PJA2: variants seen among roughly 807,000 people sequenced by gnomAD.
PJA2 encodes E3 ubiquitin-protein ligase Praja-2.
A neutral mutation model predicts 69.3 loss-of-function variants in PJA2; 25 were observed. The ratio of observed to expected loss-of-function variants is 0.36; its 90% confidence interval spans 0.26 to 0.50. PJA2 has a LOEUF of 0.50. PJA2 is among the 20% of genes least tolerant of loss of function. The pLI is 0.96. For missense variants in PJA2, 809 were observed against 830.2 expected, an observed-to-expected ratio of 0.97 and a Z score of 0.31; for synonymous variants, 308 against 277.8, an observed-to-expected ratio of 1.11 and a Z score of -1.08.
Position 109,379,161 on chromosome 5 carries a change from A to C in PJA2, c.326T>G (p.Leu109Trp), listed in dbSNP as rs747540070. 14 of 1,614,064 alleles carry C rather than the reference A, an allele frequency of 8.7e-6. No individual in the cohort carries two copies. In the South Asian group the frequency reaches 1.5e-4, roughly 18 times the overall value. The change falls in exon 4 of 10, where the codon TTG becomes TGG. Residue 109 changes from leucine to tryptophan, a missense_variant. Physicochemically the swap from Leu to Trp is moderately conservative, Grantham distance 61. Coordinates refer to ENST00000361189, the MANE Select transcript of PJA2 (RefSeq NM_014819.5). ...TTGACTGCTCTCAGTGGTTTGATTC[A>C]ATGCTGAACCACAAGTGGGAATTTC... is the stretch of plus-strand genomic sequence containing the variant. ...ETEIPTCGSALNQTTESSQSF... is the reference protein window; with the variant it reads ...ETEIPTCGSAWNQTTESSQSF...
At chr5:109,348,159 A>G (rs1160717962) in intron 7 of PJA2, among the ~76,000 whole-genome samples, 8 of 152,178 alleles carry the variant, frequency 5.3e-5, no homozygotes, top group Non-Finnish European at 1.0e-4. Context: ...AAGCCCAGAT[A>G]GCTCCTATAC....
intron 1 of PJA2, among the ~76,000 whole-genome samples, chr5:109,402,023 G>A (rs1005613926): frequency 3.3e-5 from 5 of 152,138 alleles, no homozygotes; most frequent in East Asian, 1.9e-4. Flanking sequence ...TATATAAAAT[G>A]TGGTATAGTA....
intron 1 of PJA2, among the ~76,000 whole-genome samples, chr5:109,391,751 T>G (rs1747286773): frequency 1.3e-5 from 2 of 152,172 alleles, no homozygotes; most frequent in South Asian, 4.1e-4. Context: ...AGTTCTATAG[T>G]GATAACTTTT....
intron 3 of PJA2, among the ~76,000 whole-genome samples, chr5:109,380,062 C>G (rs1582615090): frequency 8.0e-6 from 1 of 125,044 alleles, no homozygotes; most frequent in African/African-American, 3.0e-5. Context: ...ACGAAGGGTT[C>G]TTTGATATAT....
chr5:109,354,604 GAT>G (rs1389858101), intron 7 of PJA2, among the ~76,000 whole-genome samples: 1 of 134,532 alleles, frequency 7.4e-6, no homozygotes, highest in Non-Finnish European at 1.5e-5. Flanking sequence ...ATTACATATC[GAT>G]ATCTAATATC....
chr5:109,337,369 A>C lies in PJA2; in HGVS notation c.2002-13T>G. On this transcript the variant is annotated splice_polypyrimidine_tract_variant and intron_variant, in intron 9 of 9. Transcript: ENST00000361189. The stretch of plus-strand genomic sequence containing the variant: ...GGCATGTTCCCGACTGGAGAAAAAA[A>C]AAATGTTAAGAGCCACCAGAATCAT... 1 of 1,581,378 alleles carries C rather than the reference A, an allele frequency of 6.3e-7. No homozygotes were observed. Among genetic ancestry groups the C allele is most frequent in the African/African-American group, 1.4e-5 (1 of 72,896 alleles).
intron 4 of PJA2, among the ~76,000 whole-genome samples, chr5:109,376,769 A>G (rs531140728): frequency 6.6e-6 from 1 of 152,286 alleles, no homozygotes; most frequent in Admixed American, 6.5e-5. Flanking sequence ...CTTAGGGCTA[A>G]ATGTGTTTTG....
At chr5:109,343,054 T>C (rs1762105606) in intron 9 of PJA2, among the ~76,000 whole-genome samples, 1 of 104,202 alleles carries the variant, frequency 9.6e-6, no homozygotes, top group Non-Finnish European at 2.0e-5. Context: ...GGCGGCTTTG[T>C]GGAATAGAAA....
intron 7 of PJA2, among the ~76,000 whole-genome samples, chr5:109,348,240 T>C (rs908237521): frequency 6.6e-6 from 1 of 152,184 alleles, no homozygotes; most frequent in African/African-American, 2.4e-5. Flanking sequence ...AGTGCCCTTG[T>C]GCACTTACAG....
In PJA2 at chr5:109,356,029, G is replaced by T. The variant is rs199864840; in HGVS notation, c.1653-3C>A. 11 of 1,386,510 alleles carry T rather than the reference G, an allele frequency of 7.9e-6. No individual in the cohort carries two copies. Among genetic ancestry groups the T allele is most frequent in the African/African-American group, 1.5e-5 (1 of 66,820 alleles). The allele number at this position is 1,386,510 out of a possible 1,614,324, so 85.9% of individuals were successfully genotyped here. ...CATCTGCAAAGCCATCAAATAGGCT[G>T]AAAAAAAAAAAAAATAACAGAAAAA... On this transcript the variant is annotated splice_polypyrimidine_tract_variant and splice_region_variant and intron_variant, in intron 6 of 9. Coordinates refer to ENST00000361189, the MANE Select transcript of PJA2 (RefSeq NM_014819.5).
chr5:109,397,812 C>T (rs1466781261), intron 1 of PJA2, among the ~76,000 whole-genome samples: 4 of 152,230 alleles, frequency 2.6e-5, no homozygotes, highest in East Asian at 3.9e-4. Context: ...GCGTGAGCCA[C>T]GGTGAACGGC....
At chr5:109,368,997 A>C (rs999012717) in intron 4 of PJA2, among the ~76,000 whole-genome samples, 4 of 151,908 alleles carry the variant, frequency 2.6e-5, no homozygotes, top group Non-Finnish European at 5.9e-5. Context: ...TGGTTGTTTA[A>C]AAGTGTGTGG....
rs1383121745 is a variant in PJA2, at chr5:109,336,701, CTAATTT to C, written c.*524_*529del. ...CCTTCATTTGGCATTCTGAAAAGTT[CTAATTT>C]TAAACAAAAATGGACTTTCTGAAAA... On this transcript the variant is annotated 3_prime_UTR_variant, in exon 10 of 10. Coordinates refer to ENST00000361189, the MANE Select transcript of PJA2 (RefSeq NM_014819.5). 6.6e-6 allele frequency: 1 copy of C among 152,144 alleles called. No homozygotes were observed. Among genetic ancestry groups the C allele is most frequent in the Non-Finnish European group, 1.5e-5 (1 of 68,016 alleles). 9.4% of individuals were successfully genotyped at this position (152,144 alleles called of 1,614,324 possible).
At chr5:109,401,185 G>A (rs1267479834) in intron 1 of PJA2, among the ~76,000 whole-genome samples, 1 of 151,990 alleles carries the variant, frequency 6.6e-6, no homozygotes, top group African/African-American at 2.4e-5. Flanking sequence ...TTGGGAGACT[G>A]AGGCATGAGA....
chr5:109,349,607 G>T (rs1044490825), intron 7 of PJA2, among the ~76,000 whole-genome samples: 2 of 152,072 alleles, frequency 1.3e-5, no homozygotes, highest in African/African-American at 4.8e-5. Context: ...CTGACTTCCA[G>T]CAAGTTTCAC....
At chr5:109,350,271 T>G (rs1247333632) in intron 7 of PJA2, among the ~76,000 whole-genome samples, 1 of 151,324 alleles carries the variant, frequency 6.6e-6, no homozygotes, top group African/African-American at 2.4e-5. Flanking sequence ...GCCACTAGTA[T>G]GAAAATCTAT....
rs2127011913 is a variant in PJA2 at position 109,389,471 on chromosome 5, G to A, written c.-87-5951C>T. Among the ~76,000 whole-genome samples, 3 of 152,014 alleles carry A rather than the reference G, an allele frequency of 2.0e-5. 1 individual carries two copies. The South Asian group carries it at 6.2e-4, about 32-fold the overall frequency. ...TTTCATTAACAATTTAATATAGAGA[G>A]GATCTGTAGTGAAGTCTCTTTTTTT... On this transcript the variant is annotated intron_variant, in intron 1 of 9. Coordinates refer to ENST00000361189, the MANE Select transcript of PJA2 (RefSeq NM_014819.5).
At chr5:109,404,100 C>A (rs377092590) in intron 1 of PJA2, among the ~76,000 whole-genome samples, 1 of 138,388 alleles carries the variant, frequency 7.2e-6, no homozygotes, top group Non-Finnish European at 1.6e-5. Context: ...ACAACAACAA[C>A]AAAAACCTCT....
intron 4 of PJA2, among the ~76,000 whole-genome samples, chr5:109,371,098 T>C (rs1315929066): frequency 6.6e-6 from 1 of 152,188 alleles, no homozygotes; most frequent in Non-Finnish European, 1.5e-5. Context: ...ATGTTTATCT[T>C]TAATTTTGCC....
Sources: allele counts gnomAD v4.1 joint callset (sites outside exome capture counted in the v4.1 genomes callset), GRCh38; gene constraint gnomAD v4.1.1; transcripts MANE v1.5; gene names NCBI Gene and HGNC (gene_info 2026-07-23, HGNC 2026-07-21).